Variants in GRIA1 observed in about 807,000 individuals in gnomAD.
The protein encoded by GRIA1 is glutamate receptor 1.
A neutral mutation model predicts 99.2 loss-of-function variants in GRIA1; 31 were observed. The observed-to-expected ratio is 0.31, with a 90% CI of 0.23 to 0.42. The LOEUF is 0.42. GRIA1 is among the 10% of genes least tolerant of loss of function. GRIA1 has a pLI of 1.00. For synonymous variants in GRIA1, 438 were observed against 432.4 expected (o/e 1.01, Z -0.16); for missense variants, 782 against 1,157.5 (o/e 0.68, Z 4.71).
chr5:153,805,857 T>C (rs1287383554), intron 15 of GRIA1, among the ~76,000 whole-genome samples: 1 of 152,206 alleles, frequency 6.6e-6, no homozygotes. Context: ...ATCATTAATA[T>C]AATGTCTTCC....
rs777896984 is a variant in GRIA1, at chr5:153,802,311, C to T, written c.2386-45C>T. The T allele has an allele frequency of 6.9e-6, 11 of 1,601,786 alleles. No homozygotes were observed. The South Asian group carries it at 1.2e-4, about 18-fold the overall frequency. On this transcript the variant is annotated intron_variant, in intron 14 of 15. Coordinates refer to ENST00000285900, the MANE Select transcript of GRIA1 (RefSeq NM_000827.4). ...GGATGGTCTTTAGCCTCTTGACTCA[C>T]TTTATTCTTCCCCCTCCCCTTCCTT...
At chr5:153,736,915 A>G (rs904040242) in intron 11 of GRIA1, among the ~76,000 whole-genome samples, 2 of 152,188 alleles carry the variant, frequency 1.3e-5, no homozygotes, top group African/African-American at 2.4e-5. Flanking sequence ...CCTCTTGACC[A>G]TGCTTCAAAC....
At chr5:153,641,233 C>T (rs1753759241) in intron 2 of GRIA1, among the ~76,000 whole-genome samples, 1 of 152,070 alleles carries the variant, frequency 6.6e-6, no homozygotes, top group Non-Finnish European at 1.5e-5. Context: ...CTGCCACATT[C>T]CCAGGGACAG....
At chr5:153,771,345 G>C (rs1272244817) in intron 13 of GRIA1, among the ~76,000 whole-genome samples, 1 of 152,198 alleles carries the variant, frequency 6.6e-6, no homozygotes, top group Non-Finnish European at 1.5e-5. Context: ...GATTAATAAA[G>C]TTTGCAAAAT....
chr5:153,560,553 G>A (rs1581231034), intron 2 of GRIA1, among the ~76,000 whole-genome samples: 1 of 152,138 alleles, frequency 6.6e-6, no homozygotes, highest in East Asian at 1.9e-4. Flanking sequence ...GAGATCTGAT[G>A]GTTTTATAAA....
chr5:153,636,907 G>A (rs1046588845), intron 2 of GRIA1, among the ~76,000 whole-genome samples: 2 of 152,222 alleles, frequency 1.3e-5, no homozygotes, highest in Admixed American at 1.3e-4. Flanking sequence ...GAGTAGCATG[G>A]TTTATGGCAC....
Position 153,582,820 on chromosome 5 carries a change from A to T in GRIA1, c.221-64108A>T, listed in dbSNP as rs76472605. Reference sequence around the variant, plus strand: ...ATTTGTTTGTTTATTTTTGTTAGAGATAAGATCTTACTCTGTCACCCAGGC... The same window carrying T: ...ATTTGTTTGTTTATTTTTGTTAGAGTTAAGATCTTACTCTGTCACCCAGGC... On this transcript the variant is annotated intron_variant, in intron 2 of 15. Transcript: ENST00000285900. Among the ~76,000 whole-genome samples the T allele has an allele frequency of 6.7e-3, 1,013 of 152,044 alleles. 12 individuals are homozygous for T. Among genetic ancestry groups the T allele is most frequent in the African/African-American group, 0.024 (982 of 41,474 alleles).
rs375081741 is a variant in GRIA1 at position 153,770,117 on chromosome 5, G to A, written c.2023-51G>A. The stretch of plus-strand genomic sequence containing the variant: ...TCAGCTCTTCATTAATGTGTGCACC[G>A]ACCCCAATTCCAAGCGCACTTAATT... On this transcript the variant is annotated intron_variant, in intron 12 of 15. Transcript: ENST00000285900. The A allele has an allele frequency of 1.6e-5, 26 of 1,595,148 alleles. No homozygotes were observed. In the African/African-American group the frequency reaches 3.1e-4, roughly 19 times the overall value.
chr5:153,623,371 G>T (rs1299408481), intron 2 of GRIA1, among the ~76,000 whole-genome samples: 17 of 152,178 alleles, frequency 1.1e-4, no homozygotes, highest in Admixed American at 9.2e-4. Flanking sequence ...TCTTATTCAT[G>T]TAAGAGTGTC....
chr5:153,740,083 A>G (rs1382739923), intron 11 of GRIA1, among the ~76,000 whole-genome samples: 1 of 152,376 alleles, frequency 6.6e-6, no homozygotes, highest in Non-Finnish European at 1.5e-5. Flanking sequence ...TTGGGAACAC[A>G]TGGGTGGATA....
intron 11 of GRIA1, among the ~76,000 whole-genome samples, chr5:153,741,934 TAAAAAAA>T (rs34742536): frequency 6.9e-6 from 1 of 144,924 alleles, no homozygotes; most frequent in Non-Finnish European, 1.5e-5. Context: ...AAGCTTTTTT[TAAAAAAA>T]AAAAAAAAAG....
At chr5:153,506,330 T>C (rs1755497991) in intron 2 of GRIA1, among the ~76,000 whole-genome samples, 1 of 150,992 alleles carries the variant, frequency 6.6e-6, no homozygotes, top group South Asian at 2.1e-4. Flanking sequence ...TGTGTGTGTG[T>C]GTGTGTGTGT....
intron 10 of GRIA1, among the ~76,000 whole-genome samples, chr5:153,703,426 C>A (rs1007883774): frequency 1.3e-5 from 2 of 152,114 alleles, no homozygotes; most frequent in Non-Finnish European, 2.9e-5. Context: ...AATTTTTGAA[C>A]TACAAAATGA....
chr5:153,585,898 A>C (rs551402151), intron 2 of GRIA1, among the ~76,000 whole-genome samples: 6 of 152,298 alleles, frequency 3.9e-5, no homozygotes, highest in African/African-American at 1.4e-4. Flanking sequence ...GTCATCCTAC[A>C]CAGTGATGTG....
At chr5:153,777,100 TA>T (rs959782903) in intron 13 of GRIA1, among the ~76,000 whole-genome samples, 1 of 152,206 alleles carries the variant, frequency 6.6e-6, no homozygotes, top group African/African-American at 2.4e-5. Flanking sequence ...GGAGCTGGTT[TA>T]AAATGCCCTT....
At chr5:153,713,101 A>G (rs1324732559) in intron 11 of GRIA1, among the ~76,000 whole-genome samples, 1 of 152,214 alleles carries the variant, frequency 6.6e-6, no homozygotes, top group Non-Finnish European at 1.5e-5. Context: ...ATTGAGTCAA[A>G]AGCCGTAAAC....
chr5:153,557,620 C>G (rs1760766913), intron 2 of GRIA1, among the ~76,000 whole-genome samples: 1 of 152,046 alleles, frequency 6.6e-6, no homozygotes, highest in Admixed American at 6.6e-5. Flanking sequence ...CTTTTTGTTA[C>G]TTTTTAAACT....
intron 2 of GRIA1, among the ~76,000 whole-genome samples, chr5:153,554,325 A>G (rs1444415643): frequency 6.6e-6 from 1 of 152,192 alleles, no homozygotes; most frequent in East Asian, 1.9e-4. Context: ...AAATGCTGTC[A>G]TGGTGAATTC....
chr5:153,683,299 C>G (rs941312111), intron 7 of GRIA1, among the ~76,000 whole-genome samples: 1 of 152,168 alleles, frequency 6.6e-6, no homozygotes, highest in East Asian at 1.9e-4. Flanking sequence ...TGGGATGTCT[C>G]TTTCGCATTC....
Sources: gnomAD v4.1 joint callset for allele counts (sites outside exome capture counted in the v4.1 genomes callset) on GRCh38, gnomAD v4.1.1 for gene constraint, MANE v1.5 for transcripts, NCBI Gene and HGNC (gene_info 2026-07-23, HGNC 2026-07-21) for gene names.